Variants in MICU1 observed in about 807,000 individuals in gnomAD.
The protein encoded by MICU1 is mitochondrial calcium uptake 1, also known as calcium uptake protein 1, mitochondrial.
In MICU1, 45 loss-of-function variants were observed where a neutral mutation model predicts 56.8. The ratio of observed to expected loss-of-function variants is 0.79; its 90% CI spans 0.62 to 1.02. The LOEUF is 1.02. MICU1 is among the 50% of genes least tolerant of loss of function. MICU1 has a pLI of 0.00. For synonymous variants in MICU1, 186 were observed against 195.1 expected, an observed-to-expected ratio of 0.95 and a Z score of 0.39; for missense variants, 504 against 587.1, an observed-to-expected ratio of 0.86 and a Z score of 1.46.
intron 5 of MICU1, among the ~76,000 whole-genome samples, chr10:72,520,986 A>C (rs1867801460): frequency 6.6e-6 from 1 of 152,142 alleles, no homozygotes; most frequent in Admixed American, 6.5e-5. Context: ...CCTAAATCTA[A>C]GAATTTAATT....
rs892616176 is a variant in MICU1, at chr10:72,476,284, A to C, written c.735+890T>G. ...TTGCCTGTCATACAGGCTGGGGTGC[A>C]ATGGCACGATCATAGCTCACTGCAA... On this transcript the variant is annotated intron_variant, in intron 7 of 11. Coordinates refer to ENST00000361114, the MANE Select transcript of MICU1 (RefSeq NM_001195518.2). Among the ~76,000 whole-genome samples, 31 of 151,052 alleles carry C rather than the reference A, an allele frequency of 2.1e-4. 1 individual carries two copies. The highest frequency in any genetic ancestry group is 7.0e-4 in the African/African-American group (29 of 41,192).
chr10:72,526,548 G>A (rs966063842), intron 5 of MICU1, among the ~76,000 whole-genome samples: 2 of 151,948 alleles, frequency 1.3e-5, no homozygotes, highest in African/African-American at 4.8e-5. Flanking sequence ...TGCCTGCCTC[G>A]GCCTCCCAAA....
rs1393665886 is a variant in MICU1, at chr10:72,477,696, C to G, written c.653-440G>C. On this transcript the variant is annotated intron_variant, in intron 6 of 11. Transcript: ENST00000361114. ...TAGTCTTACCCTCACAACAAGCCAG[C>G]TTTCTACTTTGTTCTTTCTAGTCTC... 5.9e-6 allele frequency: 4 copies of G among 676,462 alleles called. No individual in the cohort carries two copies. In the Admixed American group the frequency reaches 9.0e-5, roughly 15 times the overall value. 41.9% of individuals were successfully genotyped at this position (676,462 alleles called of 1,614,324 possible). A position where few individuals can be genotyped will look rare whatever the true frequency, so the allele number is the denominator to read the frequency against.
chr10:72,615,721 C>T (rs1256557538), intron 1 of MICU1, among the ~76,000 whole-genome samples: 1 of 152,064 alleles, frequency 6.6e-6, no homozygotes, highest in Non-Finnish European at 1.5e-5. Context: ...GGCGCGGTGG[C>T]TCATCACGCC....
chr10:72,455,350 C>CAAAAAAAAA (rs56378605), intron 8 of MICU1, among the ~76,000 whole-genome samples: 1 of 44,196 alleles, frequency 2.3e-5, no homozygotes. Flanking sequence ...GACTCTGTCT[C>CAAAAAAAAA]AAAAAAAAAA....
intron 1 of MICU1, among the ~76,000 whole-genome samples, chr10:72,601,099 A>G (rs996370843): frequency 1.3e-5 from 2 of 152,178 alleles, no homozygotes; most frequent in African/African-American, 4.8e-5. Context: ...ATGGGTAGCT[A>G]TAAAGTTCAC....
chr10:72,463,462 T>C (rs1865699179), intron 8 of MICU1, among the ~76,000 whole-genome samples: 1 of 152,218 alleles, frequency 6.6e-6, no homozygotes, highest in African/African-American at 2.4e-5. Context: ...GTGTCACTCT[T>C]AAAATTTTTC....
chr10:72,417,191 G>A (rs996597185), intron 9 of MICU1, among the ~76,000 whole-genome samples: 4 of 152,302 alleles, frequency 2.6e-5, no homozygotes, highest in Non-Finnish European at 4.4e-5. Context: ...GGTGGCTCAC[G>A]CCTGTAATCC....
chr10:72,512,100 GTTTTTTGTTTTTTTT>G (rs1466240034), intron 5 of MICU1, among the ~76,000 whole-genome samples: 4 of 82,336 alleles, frequency 4.9e-5, no homozygotes, highest in East Asian at 3.8e-4. Context: ...ATACACAGTT[GTTTTTTGTTTTTTTT>G]TTTTTTTTTT....
At chr10:72,399,838 G>T (rs982395562) in intron 10 of MICU1, among the ~76,000 whole-genome samples, 4 of 149,158 alleles carry the variant, frequency 2.7e-5, no homozygotes, top group Non-Finnish European at 6.0e-5. Context: ...GGTGCCTGTA[G>T]TCCCAGCTAC....
At chr10:72,419,353 T>C in intron 9 of MICU1, among the ~76,000 whole-genome samples, 1 of 152,202 alleles carries the variant, frequency 6.6e-6, no homozygotes, top group East Asian at 1.9e-4. Flanking sequence ...CTATGGGAGA[T>C]AAATGTTTTT....
At chr10:72,566,991 A>G (rs1454890773) in intron 1 of MICU1, among the ~76,000 whole-genome samples, 197 bp from the exon 2 acceptor site, 2 of 152,200 alleles carry the variant, frequency 1.3e-5, no homozygotes, top group Admixed American at 6.6e-5. Flanking sequence ...AAACTGATAT[A>G]TTAGTCAAAG....
At chr10:72,416,774 G>T (rs1354690342) in intron 9 of MICU1, among the ~76,000 whole-genome samples, 2 of 152,102 alleles carry the variant, frequency 1.3e-5, no homozygotes, top group Admixed American at 1.3e-4. Flanking sequence ...GGTCTCTTCA[G>T]CTGGCTCTAA....
At chr10:72,478,629 T>C (rs1866194853) in intron 6 of MICU1, among the ~76,000 whole-genome samples, 1 of 152,238 alleles carries the variant, frequency 6.6e-6, no homozygotes, top group East Asian at 1.9e-4. Flanking sequence ...AGAGAGGCCA[T>C]ATTCCCATCC....
chr10:72,577,870 T>G (rs2132500303), intron 1 of MICU1, among the ~76,000 whole-genome samples: 1 of 152,226 alleles, frequency 6.6e-6, no homozygotes, highest in African/African-American at 2.4e-5. Flanking sequence ...AATAAAGCGG[T>G]TTCTTGAGAT....
chr10:72,564,524 G>A (rs1245209390), intron 2 of MICU1, among the ~76,000 whole-genome samples: 2 of 134,470 alleles, frequency 1.5e-5, no homozygotes, highest in Non-Finnish European at 3.1e-5. Context: ...GGGTGACAGA[G>A]TGAGACTCCA....
At chr10:72,422,323 T>C (rs1864202261) in intron 9 of MICU1, among the ~76,000 whole-genome samples, 1 of 152,218 alleles carries the variant, frequency 6.6e-6, no homozygotes, top group Non-Finnish European at 1.5e-5. Context: ...GCTGGCACCT[T>C]AATCACAGGA....
rs76781974 is a variant in MICU1, at chr10:72,599,496, C to A, written c.-2+26514G>T. ...CAGCATATCCATGCTCTACACACTA[C>A]ACACCCCTTAGAGTCACTTAGGAGC... is the stretch of plus-strand genomic sequence containing the variant. On this transcript the variant is annotated intron_variant, in intron 1 of 11. Coordinates refer to ENST00000361114, the MANE Select transcript of MICU1 (RefSeq NM_001195518.2). Among the ~76,000 whole-genome samples the A allele has an allele frequency of 7.7e-3, 1,177 of 152,234 alleles. 19 individuals carry two copies. The highest frequency in any genetic ancestry group is 0.027 in the African/African-American group (1,112 of 41,546).
At chr10:72,457,917 C>G (rs1865522577) in intron 8 of MICU1, among the ~76,000 whole-genome samples, 1 of 152,030 alleles carries the variant, frequency 6.6e-6, no homozygotes. Context: ...GCTTGTAATC[C>G]CAGCACTTTG....
Sources: gnomAD v4.1 joint callset for allele counts (sites outside exome capture counted in the v4.1 genomes callset) on GRCh38, gnomAD v4.1.1 for gene constraint, MANE v1.5 for transcripts, NCBI Gene and HGNC (gene_info 2026-07-23, HGNC 2026-07-21) for gene names.